Variants in LRIT3 observed in about 807,000 individuals in gnomAD.
LRIT3 encodes the protein leucine rich repeat, Ig-like and transmembrane domains 3, also known as leucine-rich repeat, immunoglobulin-like domain and transmembrane domain-containing protein 3.
LRIT3 carries 14 observed loss-of-function variants against 22.6 expected under a neutral mutation model. That is an observed-to-expected ratio of 0.62 (90% CI 0.41 to 0.97). The LOEUF is 0.97. Among genes scored for constraint, LRIT3 ranks in the 50% least tolerant of loss-of-function variants. The pLI is 0.00. For missense variants in LRIT3, 783 were observed against 803.0 expected (o/e 0.98, Z 0.30); for synonymous variants, 306 against 304.5 (o/e 1.01, Z -0.05).
At chr4:109,867,583 G>T (rs2347130) in intron 2 of LRIT3, 58 bp from the exon 3 acceptor site, 6 of 1,335,830 alleles carry the variant, frequency 4.5e-6, no homozygotes, top group South Asian at 1.8e-5. Context: ...CAAGAGGCAG[G>T]ATGTAAACTG....
intron 2 of LRIT3, among the ~76,000 whole-genome samples, chr4:109,852,327 C>A (rs1015790662): frequency 6.6e-6 from 1 of 152,218 alleles, no homozygotes; most frequent in Middle Eastern, 3.2e-3. Context: ...TACTCTGGTA[C>A]AAAGTTCTGC....
At chr4:109,869,048 C>G (rs1423559127) in intron 3 of LRIT3, among the ~76,000 whole-genome samples, 2 of 152,008 alleles carry the variant, frequency 1.3e-5, no homozygotes, top group East Asian at 3.9e-4. Context: ...TATTTGCAAA[C>G]AAAAGAATCC....
rs950799712 is a variant in LRIT3, at chr4:109,871,148, C to T, written c.*359C>T. The T allele has an allele frequency of 6.0e-6, 1 of 167,988 alleles. No homozygotes were observed. The highest frequency in any genetic ancestry group is 2.4e-5 in the African/African-American group (1 of 42,038). 10.4% of individuals were successfully genotyped at this position (167,988 alleles called of 1,614,324 possible). ...GAGTCATGAGGAAACATTAGCAAAACCAGCTAAGCCTTGATGTTTATTCAT... is the reference window on the plus strand; with the variant it reads ...GAGTCATGAGGAAACATTAGCAAAATCAGCTAAGCCTTGATGTTTATTCAT... On this transcript the variant is annotated 3_prime_UTR_variant, in exon 4 of 4. Transcript: ENST00000594814.
rs1227001198 is a variant in LRIT3, at chr4:109,871,657, TTTGTCTTTTGCCATA to T, written c.*879_*893del. ...AGCCAAAGCATCACGAGCCAAGCTG[TTTGTCTTTTGCCATA>T]TTGTCTTTTGATTCTCTTGATAAAG... On this transcript the variant is annotated 3_prime_UTR_variant, in exon 4 of 4. Transcript: ENST00000594814. 6.6e-6 allele frequency: 1 copy of T among 152,158 alleles called. No homozygotes were observed. Among genetic ancestry groups the T allele is most frequent in the African/African-American group, 2.4e-5 (1 of 41,434 alleles). 9.4% of individuals were successfully genotyped at this position (152,158 alleles called of 1,614,324 possible). A position where few individuals can be genotyped will look rare whatever the true frequency, so the allele number is the denominator to read the frequency against.
chr4:109,869,572 T>C, intron 3 of LRIT3, 73 bp from the exon 4 acceptor site: 1 of 1,416,674 alleles, frequency 7.1e-7, no homozygotes. Flanking sequence ...GGATAGTTGT[T>C]TCCTCCTCAG....
chr4:109,863,183 A>G (rs1734590894), intron 2 of LRIT3, among the ~76,000 whole-genome samples: 1 of 152,218 alleles, frequency 6.6e-6, no homozygotes, highest in African/African-American at 2.4e-5. Flanking sequence ...CCTTTGGTGT[A>G]AAACTGGAAG....
rs1015347165 is a variant in LRIT3 at position 109,848,162 on chromosome 4, C to T, written c.-40C>T. On this transcript the variant is annotated 5_prime_UTR_variant, in exon 1 of 4. Transcript: ENST00000594814. ...TACCAGGTTCTGAATGCTTAGGATT[C>T]GGTTTTTACCTTTTGTTTAAATAAC... The T allele has an allele frequency of 2.0e-5, 22 of 1,100,198 alleles. No homozygotes were observed. The highest frequency in any genetic ancestry group is 4.9e-5 in the African/African-American group (3 of 61,760). 68.2% of individuals were successfully genotyped at this position (1,100,198 alleles called of 1,614,324 possible).
intron 1 of LRIT3, 93 bp downstream of exon 1, chr4:109,848,410 A>G: frequency 1.7e-6 from 1 of 599,910 alleles, no homozygotes; most frequent in Non-Finnish European, 2.4e-6. Context: ...ATGTTTGGGG[A>G]TCAGAAATCA....
chr4:109,869,280 T>C (rs1734760927), intron 3 of LRIT3, among the ~76,000 whole-genome samples: 1 of 152,194 alleles, frequency 6.6e-6, no homozygotes, highest in African/African-American at 2.4e-5. Flanking sequence ...TTGAGATTAC[T>C]TCGTCTCATC....
At chr4:109,864,061 G>A (rs1734619117) in intron 2 of LRIT3, among the ~76,000 whole-genome samples, 2 of 152,080 alleles carry the variant, frequency 1.3e-5, no homozygotes, top group African/African-American at 4.8e-5. Context: ...TGATGTGCTG[G>A]CAGATTTAGA....
chr4:109,871,925 T>G lies in LRIT3; in HGVS notation c.*1136T>G, dbSNP rs1424726164. Reference sequence around the variant, plus strand: ...ACTGTAGTATACTACAAGAAACATCTCATGGCTTTAAGATTAACGATAGCG... The same window carrying G: ...ACTGTAGTATACTACAAGAAACATCGCATGGCTTTAAGATTAACGATAGCG... On this transcript the variant is annotated 3_prime_UTR_variant, in exon 4 of 4. Coordinates refer to ENST00000594814, the MANE Select transcript of LRIT3 (RefSeq NM_198506.5). 6.6e-6 allele frequency: 1 copy of G among 152,144 alleles called. No individual in the cohort carries two copies. The highest frequency in any genetic ancestry group is 1.5e-5 in the Non-Finnish European group (1 of 68,024). The allele number at this position is 152,144 out of a possible 1,614,324, so 9.4% of individuals were successfully genotyped here.
Position 109,848,292 on chromosome 4 carries a change from G to C in LRIT3, c.91G>C (p.Gly31Arg), listed in dbSNP as rs747506214. Reference sequence around the variant, plus strand: ...TTCACAGTGCACCTGTGATTATCACGGCAGAAATGACGGCTCAGGATCAAG... The same window carrying C: ...TTCACAGTGCACCTGTGATTATCACCGCAGAAATGACGGCTCAGGATCAAG... The part of the protein sequence containing the change: ...CPSQCTCDYH[G>R]RNDGSGSRLV... The change falls in exon 1 of 4, where the codon GGC becomes CGC. Residue 31 changes from glycine to arginine, a missense_variant. Coordinates refer to ENST00000594814, the MANE Select transcript of LRIT3 (RefSeq NM_198506.5). 1.6e-6 allele frequency: 2 copies of C among 1,231,846 alleles called. No homozygotes were observed. Among genetic ancestry groups the C allele is most frequent in the East Asian group, 6.3e-5 (2 of 31,700 alleles). The allele number at this position is 1,231,846 out of a possible 1,614,324, so 76.3% of individuals were successfully genotyped here.
At position 109,871,178 on chromosome 4, in the gene LRIT3, G is replaced by A. The variant is rs139529995; in HGVS notation, c.*389G>A. The A allele has an allele frequency of 2.2e-3, 355 of 159,614 alleles. 6 individuals carry two copies. Among genetic ancestry groups the A allele is most frequent in the East Asian group, 0.014 (78 of 5,380 alleles). The allele number at this position is 159,614 out of a possible 1,614,324, so 9.9% of individuals were successfully genotyped here. A position where few individuals can be genotyped will look rare whatever the true frequency, so the allele number is the denominator to read the frequency against. On this transcript the variant is annotated 3_prime_UTR_variant, in exon 4 of 4. Coordinates refer to ENST00000594814, the MANE Select transcript of LRIT3 (RefSeq NM_198506.5). The stretch of plus-strand genomic sequence containing the variant: ...TAAGCCTTGATGTTTATTCATGTTC[G>A]AAGTGCATTATAGCATTTGCTGTGG...
chr4:109,863,809 G>T (rs1359724492), intron 2 of LRIT3, among the ~76,000 whole-genome samples: 1 of 152,144 alleles, frequency 6.6e-6, no homozygotes, highest in African/African-American at 2.4e-5. Flanking sequence ...AGTGCTAAAA[G>T]CAAGAAAGTC....
chr4:109,870,943 T>C lies in LRIT3; in HGVS notation c.*154T>C, dbSNP rs1490554573. ...TATGTTTAAAAAATACCATGAGACC[T>C]CTGAACTGAAAAGACAAATAATGTT... On this transcript the variant is annotated 3_prime_UTR_variant, in exon 4 of 4. Transcript: ENST00000594814. 8.8e-6 allele frequency: 6 copies of C among 683,382 alleles called. No individual in the cohort carries two copies. The highest frequency in any genetic ancestry group is 1.3e-5 in the Non-Finnish European group (6 of 456,424). 42.3% of individuals were successfully genotyped at this position (683,382 alleles called of 1,614,324 possible).
At chr4:109,855,007 A>G (rs750041157) in intron 2 of LRIT3, among the ~76,000 whole-genome samples, 9 of 152,160 alleles carry the variant, frequency 5.9e-5, no homozygotes, top group Non-Finnish European at 1.0e-4. Flanking sequence ...GTCAATGTTC[A>G]TCAGGGATAT....
chr4:109,862,688 C>G (rs1355948722), intron 2 of LRIT3, among the ~76,000 whole-genome samples: 1 of 152,060 alleles, frequency 6.6e-6, no homozygotes, highest in African/African-American at 2.4e-5. Context: ...GATATTGCTG[C>G]TTTAACATTT....
At chr4:109,859,666 G>A (rs752159269) in intron 2 of LRIT3, among the ~76,000 whole-genome samples, 3 of 152,150 alleles carry the variant, frequency 2.0e-5, no homozygotes, top group East Asian at 1.9e-4. Flanking sequence ...TCATGCATCC[G>A]TTTATAGGCT....
Position 109,867,862 on chromosome 4 carries a change from G to A in LRIT3, c.811G>A (p.Val271Ile), listed in dbSNP as rs1235886265. ...AATCATGTCTGCTCTGGGCAGTAAT[G>A]TTCTACTGCGGTGTGATGCCACTGG... is the stretch of plus-strand genomic sequence containing the variant. ...TKIMSALGSNVLLRCDATGFP... is the reference protein window; with the variant it reads ...TKIMSALGSNILLRCDATGFP... Residue 271 changes from valine to isoleucine, a missense_variant, in exon 3 of 4, where the codon GTT becomes ATT. Val to Ile is a conservative substitution (Grantham distance 29). This residue lies in a region of LRIT3 where 756 missense variants were observed against 753.8 expected (regional missense o/e 1.00). Transcript: ENST00000594814. 2 of 1,613,942 alleles carry A rather than the reference G, an allele frequency of 1.2e-6. No individual in the cohort carries two copies. Among genetic ancestry groups the A allele is most frequent in the East Asian group, 2.2e-5 (1 of 44,894 alleles).
Sources: gnomAD v4.1 joint callset for allele counts (sites outside exome capture counted in the v4.1 genomes callset) on GRCh38, gnomAD v4.1.1 for gene constraint, gnomAD v4.1.1 regional missense constraint, MANE v1.5 for transcripts, NCBI Gene and HGNC (gene_info 2026-07-23, HGNC 2026-07-21) for gene names.